The following ANKRD6 variants were observed in gnomAD, a reference collection of about 807,000 sequenced individuals.
ANKRD6 encodes the protein ankyrin repeat domain 6, also known as ankyrin repeat domain-containing protein 6.
ANKRD6 carries 56 observed loss-of-function variants against 82.3 expected under a neutral mutation model. The observed-to-expected ratio is 0.68, with a 90% CI of 0.55 to 0.85. ANKRD6 has a LOEUF of 0.85. Among genes scored for constraint, ANKRD6 ranks in the 40% least tolerant of loss-of-function variants. The pLI is 0.00. For synonymous variants in ANKRD6, 347 were observed against 352.1 expected (o/e 0.99, Z 0.16); for missense variants, 852 against 907.6 (o/e 0.94, Z 0.79).
intron 1 of ANKRD6, among the ~76,000 whole-genome samples, chr6:89,502,964 G>A (rs1370052670): frequency 3.9e-5 from 6 of 152,218 alleles, no homozygotes; most frequent in African/African-American, 1.4e-4. Context: ...ACTCTGGGCT[G>A]TAACCCCTCC....
intron 5 of ANKRD6, among the ~76,000 whole-genome samples, chr6:89,607,164 G>A (rs1214246523): frequency 2.0e-5 from 2 of 101,760 alleles, no homozygotes; most frequent in East Asian, 2.6e-4. Flanking sequence ...AGTGAGACCC[G>A]GTCTCAAAAA....
At chr6:89,588,023 T>A (rs1794119225) in intron 2 of ANKRD6, among the ~76,000 whole-genome samples, 1 of 152,232 alleles carries the variant, frequency 6.6e-6, no homozygotes, top group Non-Finnish European at 1.5e-5. Flanking sequence ...TGAGAAGGAC[T>A]TTGAACTTTT....
intron 1 of ANKRD6, among the ~76,000 whole-genome samples, chr6:89,444,960 C>T (rs1291667065): frequency 6.6e-6 from 1 of 151,840 alleles, no homozygotes; most frequent in Non-Finnish European, 1.5e-5. Context: ...AAGAGCGAAA[C>T]TCCATGTCAA....
At chr6:89,569,217 T>C (rs1043128866) in intron 2 of ANKRD6, among the ~76,000 whole-genome samples, 1 of 152,160 alleles carries the variant, frequency 6.6e-6, no homozygotes, top group African/African-American at 2.4e-5. Flanking sequence ...GCCTGGCTCC[T>C]AGTAAAAATC....
chr6:89,458,047 A>G (rs1773694386), intron 1 of ANKRD6, among the ~76,000 whole-genome samples: 1 of 152,160 alleles, frequency 6.6e-6, no homozygotes, highest in Admixed American at 6.6e-5. Context: ...GTGTTCTATG[A>G]ACCAGGAAAT....
intron 1 of ANKRD6, among the ~76,000 whole-genome samples, chr6:89,510,263 T>C (rs1054333764): frequency 4.6e-5 from 7 of 152,210 alleles, no homozygotes; most frequent in African/African-American, 1.7e-4. Context: ...GATTTGAGGC[T>C]TGTTTGTTAC....
intron 1 of ANKRD6, among the ~76,000 whole-genome samples, chr6:89,461,762 T>A (rs17806404): frequency 6.6e-6 from 1 of 152,014 alleles, no homozygotes; most frequent in Non-Finnish European, 1.5e-5. Context: ...CCCAGACTTT[T>A]GTGAATAGAG....
chr6:89,466,771 A>G (rs1323163146), intron 1 of ANKRD6, among the ~76,000 whole-genome samples: 1 of 152,114 alleles, frequency 6.6e-6, no homozygotes, highest in African/African-American at 2.4e-5. Flanking sequence ...CTGTCGTGTG[A>G]TCATGACTCA....
At chr6:89,434,531 G>C (rs779645463) in intron 1 of ANKRD6, among the ~76,000 whole-genome samples, 9 of 152,126 alleles carry the variant, frequency 5.9e-5, no homozygotes, top group Non-Finnish European at 1.0e-4. Flanking sequence ...CTGTTGCCCA[G>C]GCTGTAAGCT....
At chr6:89,490,023 A>G (rs368301189) in intron 1 of ANKRD6, among the ~76,000 whole-genome samples, 1 of 152,082 alleles carries the variant, frequency 6.6e-6, no homozygotes, top group Non-Finnish European at 1.5e-5. Context: ...TGCAGACAAC[A>G]TGACTAATTG....
At chr6:89,624,142 C>A in intron 12 of ANKRD6, 85 bp downstream of exon 12, 1 of 1,397,160 alleles carries the variant, frequency 7.2e-7, no homozygotes. Flanking sequence ...GGCTGATAGG[C>A]ACTTTAGGCA....
intron 2 of ANKRD6, among the ~76,000 whole-genome samples, chr6:89,572,421 A>G (rs1008145531): frequency 2.6e-5 from 4 of 152,334 alleles, no homozygotes; most frequent in South Asian, 2.1e-4. Context: ...TGGTGTTTCA[A>G]TCTTACGGAT....
At chr6:89,503,081 A>G (rs1469084292) in intron 1 of ANKRD6, among the ~76,000 whole-genome samples, 1 of 152,186 alleles carries the variant, frequency 6.6e-6, no homozygotes, top group Non-Finnish European at 1.5e-5. Context: ...TTCAGCCAGA[A>G]CCAGAGGTAA....
chr6:89,585,891 C>T (rs983441828), intron 2 of ANKRD6, among the ~76,000 whole-genome samples: 1 of 152,088 alleles, frequency 6.6e-6, no homozygotes, highest in Non-Finnish European at 1.5e-5. Context: ...GGTGACAGAG[C>T]GAGACTCTGT....
At chr6:89,570,773 C>G (rs1285947732) in intron 2 of ANKRD6, among the ~76,000 whole-genome samples, 1 of 152,222 alleles carries the variant, frequency 6.6e-6, no homozygotes, top group African/African-American at 2.4e-5. Context: ...TATGCCACAT[C>G]TGGTTTATCC....
At chr6:89,448,670 C>T (rs1772399117) in intron 1 of ANKRD6, among the ~76,000 whole-genome samples, 1 of 152,110 alleles carries the variant, frequency 6.6e-6, no homozygotes, top group Non-Finnish European at 1.5e-5. Flanking sequence ...TATTTTCATG[C>T]CTACTAAACA....
chr6:89,435,994 C>A (rs1770591209), intron 1 of ANKRD6, among the ~76,000 whole-genome samples: 1 of 152,142 alleles, frequency 6.6e-6, no homozygotes, highest in African/African-American at 2.4e-5. Flanking sequence ...AACTTGGTTT[C>A]ATGGAGCCCT....
At chr6:89,581,307 T>C (rs1792468499) in intron 2 of ANKRD6, among the ~76,000 whole-genome samples, 1 of 152,226 alleles carries the variant, frequency 6.6e-6, no homozygotes, top group Admixed American at 6.5e-5. Flanking sequence ...GTTTGTGGGA[T>C]AAATTTCTCT....
chr6:89,452,325 A>T (rs567053423), intron 1 of ANKRD6, among the ~76,000 whole-genome samples: 1 of 152,386 alleles, frequency 6.6e-6, no homozygotes, highest in Non-Finnish European at 1.5e-5. Context: ...CCCCAAATTT[A>T]AGCAAGTAGA....
Sources: gnomAD v4.1 joint callset for allele counts (sites outside exome capture counted in the v4.1 genomes callset) on GRCh38, gnomAD v4.1.1 for gene constraint, MANE v1.5 for transcripts, NCBI Gene and HGNC (gene_info 2026-07-23, HGNC 2026-07-21) for gene names.